SLC25A21: variants seen among roughly 807,000 people sequenced by gnomAD.
The protein encoded by SLC25A21 is solute carrier family 25 member 21.
A neutral mutation model predicts 43.8 loss-of-function variants in SLC25A21; 47 were observed. The observed-to-expected ratio is 1.07, with a 90% CI of 0.85 to 1.37. The LOEUF is 1.37. SLC25A21 is among the 40% of genes most tolerant of loss of function. SLC25A21 has a pLI of 0.00. For missense variants in SLC25A21, 352 were observed against 350.2 expected (o/e 1.00, Z -0.04); for synonymous variants, 131 against 121.3 (o/e 1.08, Z -0.52).
chr14:36,757,808 C>A (rs577851170), intron 3 of SLC25A21, among the ~76,000 whole-genome samples: 11 of 152,330 alleles, frequency 7.2e-5, no homozygotes, highest in African/African-American at 2.6e-4. Flanking sequence ...GCTAGAATTT[C>A]TTCCTTGTGA....
At chr14:37,150,395 T>TTATA (rs1310974987) in intron 1 of SLC25A21, among the ~76,000 whole-genome samples, 4 of 152,166 alleles carry the variant, frequency 2.6e-5, no homozygotes, top group Non-Finnish European at 5.9e-5. Context: ...ATTATACAAA[T>TTATA]AAAAACAGTT....
At chr14:36,854,936 G>C (rs1021738602) in intron 2 of SLC25A21, among the ~76,000 whole-genome samples, 1 of 151,660 alleles carries the variant, frequency 6.6e-6, no homozygotes, top group Non-Finnish European at 1.5e-5. Context: ...CATGAGGTGG[G>C]GGGGGGTATT....
intron 1 of SLC25A21, among the ~76,000 whole-genome samples, chr14:36,897,999 G>C (rs991009927): frequency 6.6e-5 from 10 of 152,214 alleles, no homozygotes; most frequent in Non-Finnish European, 1.2e-4. Context: ...ACTTGAGGAG[G>C]CAGTCTGTCC....
chr14:36,744,411 A>G (rs1885407159), intron 3 of SLC25A21, among the ~76,000 whole-genome samples: 2 of 152,156 alleles, frequency 1.3e-5, no homozygotes, highest in Non-Finnish European at 2.9e-5. Flanking sequence ...GATCTTTGAC[A>G]AAGTTGACAA....
At chr14:37,021,953 T>C (rs1302319047) in intron 1 of SLC25A21, among the ~76,000 whole-genome samples, 1 of 152,056 alleles carries the variant, frequency 6.6e-6, no homozygotes. Flanking sequence ...ATAAGATATT[T>C]AAATGGTCTA....
chr14:36,791,542 C>A (rs986189246), intron 3 of SLC25A21, among the ~76,000 whole-genome samples: 3 of 152,164 alleles, frequency 2.0e-5, no homozygotes, highest in Non-Finnish European at 2.9e-5. Flanking sequence ...CTGATTCTTT[C>A]CAGATGAAAA....
At chr14:36,767,287 T>C (rs1886451768) in intron 3 of SLC25A21, among the ~76,000 whole-genome samples, 3 of 152,218 alleles carry the variant, frequency 2.0e-5, no homozygotes, top group Non-Finnish European at 2.9e-5. Context: ...TACCACACTG[T>C]ATCCTAGCCA....
chr14:36,820,791 G>A (rs1445276026), intron 2 of SLC25A21, among the ~76,000 whole-genome samples: 2 of 152,180 alleles, frequency 1.3e-5, no homozygotes, highest in Non-Finnish European at 2.9e-5. Flanking sequence ...AAGTGGTGAT[G>A]AGCCTAACGA....
chr14:37,050,395 T>A (rs2138796691), intron 1 of SLC25A21, among the ~76,000 whole-genome samples: 1 of 152,334 alleles, frequency 6.6e-6, no homozygotes, highest in African/African-American at 2.4e-5. Flanking sequence ...TAACTCAACC[T>A]GATAAATAAC....
In SLC25A21 at chr14:37,115,964, C is replaced by T. The variant is rs568609038; in HGVS notation, c.70+56317G>A. On this transcript the variant is annotated intron_variant, in intron 1 of 9. Transcript: ENST00000331299. Reference sequence around the variant, plus strand: ...ATTAAGAATGAAAATACAAATAATACATTAAATAAAAATACATTTTAAAGA... The same window carrying T: ...ATTAAGAATGAAAATACAAATAATATATTAAATAAAAATACATTTTAAAGA... Among the ~76,000 whole-genome samples the T allele has an allele frequency of 1.1e-4, 16 of 152,134 alleles. No homozygotes were observed. In the South Asian group the frequency reaches 3.1e-3, roughly 30 times the overall value.
chr14:37,022,128 T>C (rs1450010451), intron 1 of SLC25A21, among the ~76,000 whole-genome samples: 1 of 151,914 alleles, frequency 6.6e-6, no homozygotes, highest in Non-Finnish European at 1.5e-5. Context: ...AATCCATTGA[T>C]GACATACATG....
rs1960781124 is a variant in SLC25A21 at position 37,013,641 on chromosome 14, G to A, written c.71-138637C>T. On this transcript the variant is annotated intron_variant, in intron 1 of 9. Transcript: ENST00000331299. ...ACACTTTCATATAAAAGTACAACTG[G>A]TGATTTTTTTGTAAAATATTTACCC... 2.0e-5 allele frequency among the ~76,000 whole-genome samples: 3 copies of A among 152,184 alleles called. No individual in the cohort carries two copies. In the South Asian group the frequency reaches 6.2e-4, roughly 32 times the overall value.
At chr14:36,974,074 G>A (rs1176947663) in intron 1 of SLC25A21, among the ~76,000 whole-genome samples, 1 of 152,146 alleles carries the variant, frequency 6.6e-6, no homozygotes, top group African/African-American at 2.4e-5. Context: ...AACTCCAAAA[G>A]AATTGAGTAG....
At chr14:37,043,734 CT>C (rs940235064) in intron 1 of SLC25A21, among the ~76,000 whole-genome samples, 5 of 151,678 alleles carry the variant, frequency 3.3e-5, no homozygotes, top group African/African-American at 7.3e-5. Flanking sequence ...TTCTCCCATT[CT>C]TTTTTTGTTT....
intron 1 of SLC25A21, among the ~76,000 whole-genome samples, chr14:37,054,715 T>TA (rs5807928): frequency 6.6e-6 from 1 of 151,746 alleles, no homozygotes; most frequent in Non-Finnish European, 1.5e-5. Flanking sequence ...AAAATAGAAC[T>TA]AAAAAAAAGA....
rs75645367 is a variant in SLC25A21 at position 36,692,633 on chromosome 14, T to C, written c.604-7708A>G. Among the ~76,000 whole-genome samples the C allele has an allele frequency of 6.2e-3, 939 of 152,164 alleles. 14 individuals carry two copies. Among genetic ancestry groups the C allele is most frequent in the African/African-American group, 0.022 (908 of 41,516 alleles). On this transcript the variant is annotated intron_variant, in intron 7 of 9. Transcript: ENST00000331299. ...AGGGTCTGGGGTCTTTAAGAAGGCA[T>C]TTCACCCAGCGATATGCCAGAAGAA...
chr14:36,977,358 C>T (rs959299477), intron 1 of SLC25A21, among the ~76,000 whole-genome samples: 5 of 152,148 alleles, frequency 3.3e-5, no homozygotes, highest in South Asian at 2.1e-4. Flanking sequence ...GCTTAGAAGG[C>T]CCCCCTGTAC....
chr14:36,953,946 T>A (rs1368284443), intron 1 of SLC25A21, among the ~76,000 whole-genome samples: 1 of 152,232 alleles, frequency 6.6e-6, no homozygotes, highest in Non-Finnish European at 1.5e-5. Flanking sequence ...CTACTGGACA[T>A]CTTCACATGG....
intron 1 of SLC25A21, among the ~76,000 whole-genome samples, chr14:36,904,711 G>T (rs1283954525): frequency 6.6e-6 from 1 of 152,160 alleles, no homozygotes; most frequent in Non-Finnish European, 1.5e-5. Context: ...TGAGTGTGTG[G>T]AGGAGGAACT....
Sources: gnomAD v4.1 joint callset for allele counts (sites outside exome capture counted in the v4.1 genomes callset) on GRCh38, gnomAD v4.1.1 for gene constraint, MANE v1.5 for transcripts, NCBI Gene and HGNC (gene_info 2026-07-23, HGNC 2026-07-21) for gene names.